The following BMPR1B variants were observed in gnomAD, a reference collection of about 807,000 sequenced individuals.
BMPR1B encodes bone morphogenetic protein receptor type-1B.
In BMPR1B, 12 loss-of-function variants were observed where a neutral mutation model predicts 59.1. That is an observed-to-expected ratio of 0.20 (90% CI 0.13 to 0.33). The LOEUF (loss-of-function observed/expected upper bound fraction) is 0.33, where lower values mean the gene tolerates loss of function less well. Among genes scored for constraint, BMPR1B ranks in the 10% least tolerant of loss-of-function variants. The probability of loss-of-function intolerance (pLI) is 1.00; values close to 1 mark genes in which losing one functional copy is unlikely to be tolerated. For missense variants in BMPR1B, 550 were observed against 610.9 expected (o/e 0.90, Z 1.05); for synonymous variants, 237 against 207.3 (o/e 1.14, Z -1.23).
At chr4:95,116,421 G>GCGCGCGCGCACACACA in intron 6 of BMPR1B, among the ~76,000 whole-genome samples, 39 of 123,198 alleles carry the variant, frequency 3.2e-4, no homozygotes, top group African/African-American at 1.2e-3. Flanking sequence ...TTCAGCGCGC[G>GCGCGCGCGCACACACA]CACACACACA....
At chr4:94,798,574 A>G (rs530470886) in intron 1 of BMPR1B, among the ~76,000 whole-genome samples, 41 of 152,336 alleles carry the variant, frequency 2.7e-4, no homozygotes, top group African/African-American at 9.4e-4. Context: ...ACGTTTACTC[A>G]GAAGCCAGGC....
chr4:95,127,206 A>G (rs1171810269), intron 8 of BMPR1B, among the ~76,000 whole-genome samples: 1 of 152,152 alleles, frequency 6.6e-6, no homozygotes, highest in African/African-American at 2.4e-5. Flanking sequence ...TCTTACAGGC[A>G]TTTTATTTAT....
intron 1 of BMPR1B, among the ~76,000 whole-genome samples, chr4:94,862,742 G>A (rs927773271): frequency 1.3e-4 from 19 of 151,694 alleles, no homozygotes; most frequent in African/African-American, 1.2e-4. Flanking sequence ...TCAGGAGATC[G>A]AGACCATCCT....
chr4:94,883,528 A>G (rs1727059441), intron 2 of BMPR1B, among the ~76,000 whole-genome samples: 1 of 152,044 alleles, frequency 6.6e-6, no homozygotes, highest in African/African-American at 2.4e-5. Flanking sequence ...GAGGTTGTTT[A>G]TGTAAAAAAA....
At chr4:94,953,320 T>C (rs1730019439) in intron 2 of BMPR1B, among the ~76,000 whole-genome samples, 1 of 152,220 alleles carries the variant, frequency 6.6e-6, no homozygotes, top group Non-Finnish European at 1.5e-5. Flanking sequence ...TAACTGGTTA[T>C]TTTGCCCATT....
At chr4:95,120,926 A>G (rs916039382) in intron 6 of BMPR1B, among the ~76,000 whole-genome samples, 3 of 152,022 alleles carry the variant, frequency 2.0e-5, no homozygotes, top group Non-Finnish European at 4.4e-5. Context: ...CTCCCGACTC[A>G]GCCTCCTCAG....
chr4:95,109,854 TC>T (rs1419758746), intron 4 of BMPR1B, among the ~76,000 whole-genome samples: 3 of 93,930 alleles, frequency 3.2e-5, no homozygotes, highest in East Asian at 7.4e-4. Flanking sequence ...ATGCTATCCC[TC>T]CCCCCTCCCC....
intron 3 of BMPR1B, among the ~76,000 whole-genome samples, chr4:95,045,570 C>T (rs182325009): frequency 6.6e-6 from 1 of 152,260 alleles, no homozygotes; most frequent in East Asian, 1.9e-4. Flanking sequence ...GCTTAGGATT[C>T]CTTTGCCTTC....
At chr4:95,033,272 G>C (rs915519826) in intron 3 of BMPR1B, among the ~76,000 whole-genome samples, 1 of 151,430 alleles carries the variant, frequency 6.6e-6, no homozygotes, top group Non-Finnish European at 1.5e-5. Context: ...CCTTTGCATA[G>C]AAGTTTTTAA....
chr4:94,921,709 C>A (rs534834634), intron 2 of BMPR1B, among the ~76,000 whole-genome samples: 4 of 152,072 alleles, frequency 2.6e-5, no homozygotes, highest in Non-Finnish European at 4.4e-5. Flanking sequence ...CATTATAATT[C>A]AAAATGAGAT....
chr4:94,912,239 A>C (rs1728305076), intron 2 of BMPR1B, among the ~76,000 whole-genome samples: 1 of 152,122 alleles, frequency 6.6e-6, no homozygotes, highest in Non-Finnish European at 1.5e-5. Flanking sequence ...ATTCAAGATG[A>C]GATTTGGGTG....
chr4:94,847,560 G>T (rs1418576850), intron 1 of BMPR1B, among the ~76,000 whole-genome samples: 1 of 152,094 alleles, frequency 6.6e-6, no homozygotes, highest in Non-Finnish European at 1.5e-5. Flanking sequence ...CAGATGAATG[G>T]ATAAGGAAAA....
intron 3 of BMPR1B, among the ~76,000 whole-genome samples, chr4:95,050,923 T>A (rs1480884069): frequency 6.6e-6 from 1 of 152,192 alleles, no homozygotes; most frequent in African/African-American, 2.4e-5. Context: ...ACAAAAATGG[T>A]CATAATTTAC....
chr4:94,976,674 A>G (rs1180509322), intron 2 of BMPR1B, among the ~76,000 whole-genome samples: 1 of 152,232 alleles, frequency 6.6e-6, no homozygotes, highest in Non-Finnish European at 1.5e-5. Context: ...AAACCTTTGA[A>G]CTAAAAAGAT....
At chr4:94,976,890 G>C (rs1052865338) in intron 2 of BMPR1B, among the ~76,000 whole-genome samples, 1 of 152,060 alleles carries the variant, frequency 6.6e-6, no homozygotes, top group Non-Finnish European at 1.5e-5. Flanking sequence ...GGCTCCTCCT[G>C]TTTGTTCTCT....
intron 4 of BMPR1B, among the ~76,000 whole-genome samples, chr4:95,111,869 A>G (rs557314814): frequency 1.3e-5 from 2 of 152,096 alleles, no homozygotes; most frequent in African/African-American, 4.8e-5. Context: ...TTTCTTTTTC[A>G]TATTCTTTTT....
chr4:94,763,494 C>A (rs1721856011), intron 1 of BMPR1B, among the ~76,000 whole-genome samples: 1 of 152,118 alleles, frequency 6.6e-6, no homozygotes. Flanking sequence ...CATGTGGCGT[C>A]AGCTTTGGAA....
At chr4:94,803,772 C>T (rs1185561406) in intron 1 of BMPR1B, among the ~76,000 whole-genome samples, 2 of 152,094 alleles carry the variant, frequency 1.3e-5, no homozygotes, top group African/African-American at 2.4e-5. Context: ...TTTGCATATG[C>T]ATTTCTTCTA....
chr4:94,883,025 C>T lies in BMPR1B; in HGVS notation c.-113+7125C>T, dbSNP rs139451038. Among the ~76,000 whole-genome samples the T allele has an allele frequency of 3.6e-3, 544 of 150,604 alleles. 5 individuals carry two copies. The highest frequency in any genetic ancestry group is 0.013 in the African/African-American group (514 of 40,998). The stretch of plus-strand genomic sequence containing the variant: ...GTGTGTGTTTCCTTCCCTGAATTCC[C>T]TTGTGTTTTTAGCCTGCACCCAATT... On this transcript the variant is annotated intron_variant, in intron 2 of 12. Transcript: ENST00000515059.
Sources: gnomAD v4.1 joint callset for allele counts (sites outside exome capture counted in the v4.1 genomes callset) on GRCh38, gnomAD v4.1.1 for gene constraint, MANE v1.5 for transcripts, NCBI Gene and HGNC (gene_info 2026-07-23, HGNC 2026-07-21) for gene names.